Variants in SLC25A40 observed in about 807,000 individuals in gnomAD.
SLC25A40 encodes solute carrier family 25 member 40, also known as mitochondrial glutathione transporter SLC25A40.
A neutral mutation model predicts 46.5 loss-of-function variants in SLC25A40; 41 were observed. The observed-to-expected ratio is 0.88, with a 90% CI of 0.69 to 1.14. The LOEUF (loss-of-function observed/expected upper bound fraction) is 1.14. Among genes scored for constraint, SLC25A40 ranks in the 50% most tolerant of loss-of-function variants. SLC25A40 has a pLI of 0.00. For synonymous variants in SLC25A40, 126 were observed against 127.5 expected, an observed-to-expected ratio of 0.99 and a Z score of 0.08; for missense variants, 386 against 393.6, an observed-to-expected ratio of 0.98 and a Z score of 0.16.
chr7:87,849,401 T>C (rs1001647608), intron 6 of SLC25A40, among the ~76,000 whole-genome samples: 2 of 152,184 alleles, frequency 1.3e-5, no homozygotes, highest in Non-Finnish European at 2.9e-5. Flanking sequence ...GTACACTTCT[T>C]TCCTTCTGTG....
intron 10 of SLC25A40, among the ~76,000 whole-genome samples, chr7:87,838,958 A>G (rs1444889924): frequency 2.0e-5 from 3 of 151,574 alleles, no homozygotes; most frequent in African/African-American, 7.3e-5. Context: ...AGGGACATTT[A>G]GGTGATTTCT....
chr7:87,843,753 C>A lies in SLC25A40; in HGVS notation c.741+1G>T. The A allele has an allele frequency of 6.3e-7, 1 of 1,592,568 alleles. No homozygotes were observed. Among genetic ancestry groups the A allele is most frequent in the Non-Finnish European group, 8.6e-7 (1 of 1,164,700 alleles). On this transcript the variant is annotated splice_donor_variant, in intron 9 of 11. Transcript: ENST00000341119. LOFTEE classifies it high-confidence loss of function. Reference sequence around the variant, plus strand: ...TATTAACAACAAAAGAATAAACTTACAGAACCAGACAATGCCCCTGAAGTA... The same window carrying A: ...TATTAACAACAAAAGAATAAACTTAAAGAACCAGACAATGCCCCTGAAGTA...
At position 87,835,984 on chromosome 7, in the gene SLC25A40, G is replaced by C. The variant is rs1042215890; in HGVS notation, c.*265C>G. ...AACATATAATATTAAACTTTCAAGA[G>C]ACTGCTTTTGATGCTAAGGAGTAAT... On this transcript the variant is annotated 3_prime_UTR_variant, in exon 12 of 12. Transcript: ENST00000341119. 6.6e-6 allele frequency: 2 copies of C among 302,674 alleles called. No homozygotes were observed. The highest frequency in any genetic ancestry group is 4.5e-5 in the African/African-American group (2 of 44,410). 18.7% of individuals were successfully genotyped at this position (302,674 alleles called of 1,614,324 possible). A position where few individuals can be genotyped will look rare whatever the true frequency, so the allele number is the denominator to read the frequency against.
Position 87,854,310 on chromosome 7 carries a change from C to G in SLC25A40, c.158G>C (p.Gly53Ala), listed in dbSNP as rs1584330138. The change falls in exon 5 of 12, where the codon GGA (glycine) becomes GCA (alanine). Residue 53 changes from glycine to alanine, a missense_variant and splice_region_variant. By Grantham distance (60) the Gly-to-Ala change is moderately conservative. Coordinates refer to ENST00000341119, the MANE Select transcript of SLC25A40 (RefSeq NM_018843.4). ...LQAQNNPLPK[G>A]KCFVYSNGLM... The stretch of plus-strand genomic sequence containing the variant: ...TCCATTACTATATACAAAACATTTT[C>G]CTAACAAAGAAGATTCCAACAACCA... 1.9e-6 allele frequency: 3 copies of G among 1,584,310 alleles called. No individual in the cohort carries two copies. In the East Asian group the frequency reaches 6.8e-5, roughly 36 times the overall value.
chr7:87,854,179 A>G, intron 5 of SLC25A40, 25 bp downstream of exon 5: 1 of 1,396,840 alleles, frequency 7.2e-7, no homozygotes, highest in Non-Finnish European at 1.0e-6. Flanking sequence ...ATATACTGTG[A>G]TTCTAAGGAA....
chr7:87,857,327 A>T lies in SLC25A40; in HGVS notation c.98-976T>A, dbSNP rs1584332152. ...AAGTTTAATGTTGATAGGGACCCAAAAGAAATCCCAGTTATAAGCCCCTAA... is the reference window on the plus strand; with the variant it reads ...AAGTTTAATGTTGATAGGGACCCAATAGAAATCCCAGTTATAAGCCCCTAA... On this transcript the variant is annotated intron_variant, in intron 3 of 11. Transcript: ENST00000341119. Among the ~76,000 whole-genome samples, 3 of 152,338 alleles carry T rather than the reference A, an allele frequency of 2.0e-5. No individual in the cohort carries two copies. In the South Asian group the frequency reaches 6.2e-4, roughly 32 times the overall value.
intron 9 of SLC25A40, among the ~76,000 whole-genome samples, chr7:87,843,238 A>G (rs926515103): frequency 2.0e-5 from 3 of 152,114 alleles, no homozygotes; most frequent in African/African-American, 7.2e-5. Context: ...ATATCATTCT[A>G]CAGGAAGGTG....
chr7:87,850,218 G>A (rs891409357), intron 5 of SLC25A40, among the ~76,000 whole-genome samples: 5 of 152,082 alleles, frequency 3.3e-5, no homozygotes, highest in African/African-American at 4.8e-5. Context: ...AAAAGCTTTA[G>A]AAAAGATTAT....
At chr7:87,850,857 G>A (rs1293972114) in intron 5 of SLC25A40, among the ~76,000 whole-genome samples, 2 of 152,048 alleles carry the variant, frequency 1.3e-5, no homozygotes, top group African/African-American at 2.4e-5. Flanking sequence ...CAAATGAGAT[G>A]TGACTTCATA....
intron 3 of SLC25A40, among the ~76,000 whole-genome samples, chr7:87,857,447 G>A (rs1040212757): frequency 6.6e-6 from 1 of 152,162 alleles, no homozygotes; most frequent in Non-Finnish European, 1.5e-5. Context: ...CAAGTCTCTT[G>A]AATCTCTGTC....
intron 3 of SLC25A40, among the ~76,000 whole-genome samples, chr7:87,857,713 A>G (rs528583982): frequency 9.2e-5 from 14 of 152,358 alleles, no homozygotes; most frequent in African/African-American, 2.9e-4. Flanking sequence ...GGCCACTATG[A>G]TAATTGTGAT....
chr7:87,861,138 A>G (rs1212457551), intron 1 of SLC25A40, among the ~76,000 whole-genome samples: 4 of 152,218 alleles, frequency 2.6e-5, no homozygotes, highest in South Asian at 2.1e-4. Context: ...TGGATGCCAC[A>G]TAACAGTAGA....
intron 6 of SLC25A40, 25 bp downstream of exon 6, chr7:87,849,856 G>GA (rs1283630541): frequency 1.3e-5 from 19 of 1,499,590 alleles, no homozygotes; most frequent in Non-Finnish European, 1.5e-5. Context: ...TTATTTAGTA[G>GA]AAAAAACATT....
intron 1 of SLC25A40, among the ~76,000 whole-genome samples, chr7:87,863,739 A>G (rs1838742579): frequency 6.6e-6 from 1 of 152,072 alleles, no homozygotes; most frequent in Admixed American, 6.6e-5. Context: ...ATTATCTTCC[A>G]GTTATTTTGA....
chr7:87,849,149 A>T (rs992449120), intron 6 of SLC25A40, among the ~76,000 whole-genome samples: 3 of 152,192 alleles, frequency 2.0e-5, no homozygotes, highest in Non-Finnish European at 4.4e-5. Context: ...AAATGAACAA[A>T]TAAACACCAA....
At chr7:87,852,378 T>A (rs1047592552) in intron 5 of SLC25A40, among the ~76,000 whole-genome samples, 2 of 152,026 alleles carry the variant, frequency 1.3e-5, no homozygotes, top group African/African-American at 4.8e-5. Context: ...CCCAGGAGTG[T>A]GAGACTAGCC....
At chr7:87,875,609 T>C (rs1394143724) in intron 1 of SLC25A40, among the ~76,000 whole-genome samples, 1 of 152,024 alleles carries the variant, frequency 6.6e-6, no homozygotes, top group African/African-American at 2.4e-5. Context: ...TTCACAAGCA[T>C]TTTAATTTGA....
At chr7:87,866,468 T>C (rs2131020425) in intron 1 of SLC25A40, among the ~76,000 whole-genome samples, 1 of 152,360 alleles carries the variant, frequency 6.6e-6, no homozygotes, top group African/African-American at 2.4e-5. Context: ...TTTAGAATCC[T>C]TTCTTTATCC....
At chr7:87,872,212 TG>T (rs1231414497) in intron 1 of SLC25A40, among the ~76,000 whole-genome samples, 2 of 152,182 alleles carry the variant, frequency 1.3e-5, no homozygotes, top group Admixed American at 1.3e-4. Flanking sequence ...AAAACTTACA[TG>T]GAAGTAGAAA....
Sources: gnomAD v4.1 joint callset for allele counts (sites outside exome capture counted in the v4.1 genomes callset) on GRCh38, gnomAD v4.1.1 for gene constraint, MANE v1.5 for transcripts, NCBI Gene and HGNC (gene_info 2026-07-23, HGNC 2026-07-21) for gene names.